Variants in PIK3R2 observed in about 807,000 individuals in gnomAD.
The protein encoded by PIK3R2 is phosphoinositide-3-kinase regulatory subunit 2, also known as phosphatidylinositol 3-kinase regulatory subunit beta.
PIK3R2 carries 40 observed loss-of-function variants against 78.5 expected under a neutral mutation model. The ratio of observed to expected loss-of-function variants is 0.51; its 90% CI spans 0.40 to 0.66. PIK3R2 has a LOEUF of 0.66. Ranked by LOEUF, PIK3R2 falls within the 30% of genes least tolerant of loss-of-function variation. The pLI is 0.00. For synonymous variants in PIK3R2, 473 were observed against 457.7 expected (o/e 1.03, Z -0.43); for missense variants, 880 against 1,026.6 (o/e 0.86, Z 1.95).
At chr19:18,158,358 G>C (rs2043700734) in intron 2 of PIK3R2, among the ~76,000 whole-genome samples, 1 of 152,092 alleles carries the variant, frequency 6.6e-6, no homozygotes, top group Non-Finnish European at 1.5e-5. Flanking sequence ...AGGCATGGTG[G>C]CACCCACCTA....
At position 18,167,264 on chromosome 19, in the gene PIK3R2, C is replaced by T. The variant is rs1131691683; in HGVS notation, c.1694C>T (p.Pro565Leu). The T allele has an allele frequency of 6.2e-7, 1 of 1,609,670 alleles. No individual in the cohort carries two copies. Among genetic ancestry groups the T allele is most frequent in the Non-Finnish European group, 8.5e-7 (1 of 1,178,112 alleles). Residue 565 changes from proline (P) to leucine (L), a missense_variant, in exon 13 of 16, where the codon CCG (proline) becomes CTG (leucine). By Grantham distance (98) the Pro-to-Leu change is moderately conservative (BLOSUM62 -3). Transcript: ENST00000222254. The surrounding 1 kb of genome is among the most constrained non-coding windows in gnomAD (Gnocchi z 4.5). ...EIDKRMNSLK[P>L]DLMQLRKIRD... ...GACAAGCGCATGAACAGCCTCAAGCCGGACCTCATGCAGCTGCGCAAGATC... is the reference window on the plus strand; with the variant it reads ...GACAAGCGCATGAACAGCCTCAAGCTGGACCTCATGCAGCTGCGCAAGATC...
intron 1 of PIK3R2, among the ~76,000 whole-genome samples, chr19:18,154,874 T>G (rs1380270937): frequency 2.0e-5 from 3 of 149,826 alleles, no homozygotes; most frequent in African/African-American, 7.4e-5. Flanking sequence ...CCCAGGAGTT[T>G]GCGACCAACC....
Position 18,168,515 on chromosome 19 carries a change from G to A in PIK3R2, c.1777G>A (p.Glu593Lys). ...QKGARQKKIN[E>K]WLGIKNETED... ...AGGCGCCCGGCAGAAGAAAATCAAC[G>A]AGTGGCTGGGGATTAAAAATGAGAC... Residue 593 changes from glutamate (E) to lysine (K), a missense_variant, in exon 14 of 16, where the codon GAG (glutamate) becomes AAG (lysine). Glu to Lys is a moderately conservative substitution (Grantham distance 56, BLOSUM62 1). Around this residue, in one of 3 missense-constraint regions of PIK3R2, gnomAD observed 268 missense variants for 299.1 expected, o/e 0.90. Coordinates refer to ENST00000222254, the MANE Select transcript of PIK3R2 (RefSeq NM_005027.4). This position sits in a 1 kb window ranked among gnomAD's most constrained non-coding sequence, Gnocchi z 4.1. 1.3e-6 allele frequency: 1 copy of A among 781,200 alleles called. No individual in the cohort carries two copies. Among genetic ancestry groups the A allele is most frequent in the Non-Finnish European group, 2.4e-6 (1 of 418,514 alleles). 48.4% of individuals were successfully genotyped at this position (781,200 alleles called of 1,614,324 possible). A position where few individuals can be genotyped will look rare whatever the true frequency, so the allele number is the denominator to read the frequency against.
Position 18,166,353 on chromosome 19 carries a change from A to C in PIK3R2, c.1559+51A>C, listed in dbSNP as rs776470055. ...CCACCCCACCCTGATCTGGTGCAGT[A>C]CAAGCCAGGGAGGGAAGGAAGCAGA... On this transcript the variant is annotated intron_variant, in intron 12 of 15. Coordinates refer to ENST00000222254, the MANE Select transcript of PIK3R2 (RefSeq NM_005027.4). 3.3e-6 allele frequency: 5 copies of C among 1,507,126 alleles called. No homozygotes were observed. In the African/African-American group the frequency reaches 6.9e-5, roughly 21 times the overall value. The allele number at this position is 1,507,126 out of a possible 1,614,324, so 93.4% of individuals were successfully genotyped here. A position where few individuals can be genotyped will look rare whatever the true frequency, so the allele number is the denominator to read the frequency against.
chr19:18,155,742 G>A lies in PIK3R2; in HGVS notation c.-138G>A, dbSNP rs1020941916. On this transcript the variant is annotated 5_prime_UTR_variant, in exon 2 of 16. Coordinates refer to ENST00000222254, the MANE Select transcript of PIK3R2 (RefSeq NM_005027.4). ...CGAGGCATGAGCGGCCCCTGTGGTC[G>A]CCTGTGACTGCTGGAGATAGAGGTC... 12 of 681,038 alleles carry A rather than the reference G, an allele frequency of 1.8e-5. No homozygotes were observed. Among genetic ancestry groups the A allele is most frequent in the East Asian group, 3.1e-5 (1 of 32,556 alleles). The allele number at this position is 681,038 out of a possible 1,614,324, so 42.2% of individuals were successfully genotyped here. A position where few individuals can be genotyped will look rare whatever the true frequency, so the allele number is the denominator to read the frequency against.
rs918520641 is a variant in PIK3R2 at position 18,156,095 on chromosome 19, C to T, written c.216C>T (p.Gly72=). The change falls in exon 2 of 16, where the codon GGC becomes GGT. Residue 72 remains glycine, a synonymous_variant. Transcript: ENST00000222254. The surrounding 1 kb of genome is among the most constrained non-coding windows in gnomAD (Gnocchi z 4.2). ...ERTRQRGDFP[G]TYVEFLGPVA... Reference sequence around the variant, plus strand: ...CACGGCAGCGAGGTGACTTCCCTGGCACCTATGTGGAGTTCCTGGGGCCCG... The same window carrying T: ...CACGGCAGCGAGGTGACTTCCCTGGTACCTATGTGGAGTTCCTGGGGCCCG... 1.3e-6 allele frequency: 2 copies of T among 1,558,266 alleles called. No individual in the cohort carries two copies. The highest frequency in any genetic ancestry group is 3.8e-5 in the Admixed American group (2 of 52,236).
At chr19:18,166,123 A>T (rs1260657275) in intron 11 of PIK3R2, 37 bp from the exon 12 acceptor site, 1 of 1,612,942 alleles carries the variant, frequency 6.2e-7, no homozygotes, top group Non-Finnish European at 8.5e-7. Context: ...CCTTTTGGGG[A>T]GTCCCAGGAG....
In PIK3R2 at chr19:18,155,722, C is replaced by A; in HGVS notation, c.-158C>A. 1 of 603,978 alleles carries A rather than the reference C, an allele frequency of 1.7e-6. No individual in the cohort carries two copies. The highest frequency in any genetic ancestry group is 2.9e-6 in the Non-Finnish European group (1 of 350,388). 37.4% of individuals were successfully genotyped at this position (603,978 alleles called of 1,614,324 possible). ...GGTCATGGAATAATTTGAAGCGAGG[C>A]ATGAGCGGCCCCTGTGGTCGCCTGT... is the stretch of plus-strand genomic sequence containing the variant. On this transcript the variant is annotated 5_prime_UTR_variant, in exon 2 of 16. Transcript: ENST00000222254.
chr19:18,161,894 C>A lies in PIK3R2; in HGVS notation c.816-72C>A. 3 of 1,280,342 alleles carry A rather than the reference C, an allele frequency of 2.3e-6. No homozygotes were observed. Among genetic ancestry groups the A allele is most frequent in the Non-Finnish European group, 3.4e-6 (3 of 878,952 alleles). The allele number at this position is 1,280,342 out of a possible 1,614,324, so 79.3% of individuals were successfully genotyped here. ...ATATACCCCCAGGCGTGCAAGCGCA[C>A]GCACAATCCTGTGCACATGCGTGGG... On this transcript the variant is annotated intron_variant, in intron 6 of 15. Coordinates refer to ENST00000222254, the MANE Select transcript of PIK3R2 (RefSeq NM_005027.4). The surrounding 1 kb of genome is among the most constrained non-coding windows in gnomAD (Gnocchi z 5.3).
chr19:18,169,021 C>T (rs917444751), intron 15 of PIK3R2, 66 bp from the exon 16 acceptor site: 7 of 1,573,056 alleles, frequency 4.4e-6, no homozygotes, highest in African/African-American at 2.7e-5. Context: ...AGCACGCGGC[C>T]CTGGAACGGG....
Position 18,161,490 on chromosome 19 carries a change from C to A in PIK3R2, c.810C>A (p.Pro270=). ...PPSSPPPGGA[P]DGSEPSPDFP... ...CCTCGCCGCCGCCAGGGGGCGCTCC[C>A]GACGGGTGAGGGGCGGGGCGGAGCC... The change falls in exon 6 of 16, where the codon CCC becomes CCA. Residue 270 remains proline, a synonymous_variant. Transcript: ENST00000222254. This position sits in a 1 kb window ranked among gnomAD's most constrained non-coding sequence, Gnocchi z 5.3. 2 of 1,108,488 alleles carry A rather than the reference C, an allele frequency of 1.8e-6. No homozygotes were observed. The highest frequency in any genetic ancestry group is 2.2e-6 in the Non-Finnish European group (2 of 895,582). 68.7% of individuals were successfully genotyped at this position (1,108,488 alleles called of 1,614,324 possible). A position where few individuals can be genotyped will look rare whatever the true frequency, so the allele number is the denominator to read the frequency against.
intron 2 of PIK3R2, among the ~76,000 whole-genome samples, chr19:18,157,880 C>T (rs1227311157): frequency 2.0e-5 from 3 of 152,282 alleles, no homozygotes; most frequent in African/African-American, 4.8e-5. Context: ...GCCAGAGCAG[C>T]GTCCAATGGT....
In PIK3R2 at chr19:18,168,704, C is replaced by G; in HGVS notation, c.1809-22C>G. 1 of 1,598,956 alleles carries G rather than the reference C, an allele frequency of 6.3e-7. No individual in the cohort carries two copies. Among genetic ancestry groups the G allele is most frequent in the South Asian group, 1.1e-5 (1 of 90,692 alleles). On this transcript the variant is annotated intron_variant, in intron 14 of 15. Transcript: ENST00000222254. The surrounding 1 kb of genome is among the most constrained non-coding windows in gnomAD (Gnocchi z 4.1). ...GGCAGGTGAGTGACCAGGGCCCTCC[C>G]CGCCACCGCCCCCCACCCCAGCCAG... is the stretch of plus-strand genomic sequence containing the variant.
rs2043745954 is a variant in PIK3R2, at chr19:18,161,493, C to T, written c.813C>T (p.Asp271=). 1.1e-6 allele frequency: 1 copy of T among 937,482 alleles called. No homozygotes were observed. The highest frequency in any genetic ancestry group is 1.3e-6 in the Non-Finnish European group (1 of 777,414). The allele number at this position is 937,482 out of a possible 1,614,324, so 58.1% of individuals were successfully genotyped here. A position where few individuals can be genotyped will look rare whatever the true frequency, so the allele number is the denominator to read the frequency against. Residue 271 remains aspartate (D), a splice_region_variant and synonymous_variant, in exon 6 of 16, where the codon GAC becomes GAT. Transcript: ENST00000222254. This position sits in a 1 kb window ranked among gnomAD's most constrained non-coding sequence, Gnocchi z 5.3. ...PSSPPPGGAP[D]GSEPSPDFPA... ...CGCCGCCGCCAGGGGGCGCTCCCGACGGGTGAGGGGCGGGGCGGAGCCGGA... is the reference window on the plus strand; with the variant it reads ...CGCCGCCGCCAGGGGGCGCTCCCGATGGGTGAGGGGCGGGGCGGAGCCGGA...
chr19:18,155,830 G>A lies in PIK3R2; in HGVS notation c.-50G>A, dbSNP rs1231892901. ...CTGCTTCAACCAATGGGGCCAGTGGGGCTCCAAGCAGCCACCTAACCATCC... is the reference window on the plus strand; with the variant it reads ...CTGCTTCAACCAATGGGGCCAGTGGAGCTCCAAGCAGCCACCTAACCATCC... On this transcript the variant is annotated 5_prime_UTR_variant, in exon 2 of 16. Coordinates refer to ENST00000222254, the MANE Select transcript of PIK3R2 (RefSeq NM_005027.4). 1 of 1,478,452 alleles carries A rather than the reference G, an allele frequency of 6.8e-7. No homozygotes were observed. The highest frequency in any genetic ancestry group is 2.6e-5 in the East Asian group (1 of 38,904). The allele number at this position is 1,478,452 out of a possible 1,614,324, so 91.6% of individuals were successfully genotyped here. A position where few individuals can be genotyped will look rare whatever the true frequency, so the allele number is the denominator to read the frequency against.
rs2147962365 is a variant in PIK3R2, at chr19:18,170,222, T to C, written c.*928T>C. On this transcript the variant is annotated 3_prime_UTR_variant, in exon 16 of 16. Coordinates refer to ENST00000222254, the MANE Select transcript of PIK3R2 (RefSeq NM_005027.4). ...GACTCCTCCGTCTCAAAAAAATAAA[T>C]AAATAAACTTGTGAGCTGGCCCCAA... The C allele has an allele frequency of 6.5e-6, 1 of 152,748 alleles. No individual in the cohort carries two copies. Among genetic ancestry groups the C allele is most frequent in the East Asian group, 1.9e-4 (1 of 5,262 alleles). The allele number at this position is 152,748 out of a possible 1,614,324, so 9.5% of individuals were successfully genotyped here. A position where few individuals can be genotyped will look rare whatever the true frequency, so the allele number is the denominator to read the frequency against.
At chr19:18,165,080 A>T (rs1272352060) in intron 11 of PIK3R2, among the ~76,000 whole-genome samples, 3 of 151,384 alleles carry the variant, frequency 2.0e-5, no homozygotes, top group Non-Finnish European at 3.0e-5. Context: ...AGATAAAAAA[A>T]TTAGCCGAGC....
Position 18,167,290 on chromosome 19 carries a change from C to A in PIK3R2, c.1720C>A (p.Arg574=), listed in dbSNP as rs1318459028. 5.0e-6 allele frequency: 8 copies of A among 1,600,410 alleles called. 1 individual carries two copies. In the South Asian group the frequency reaches 9.0e-5, roughly 18 times the overall value. ...KPDLMQLRKI[R]DQYLVWLTQK... ...GGACCTCATGCAGCTGCGCAAGATC[C>A]GAGACCAGTACCTCGTGTAAGTGGC... The change falls in exon 13 of 16, where the codon CGA becomes AGA. Residue 574 remains arginine, a synonymous_variant. Transcript: ENST00000222254. The surrounding 1 kb of genome is among the most constrained non-coding windows in gnomAD (Gnocchi z 4.5).
In PIK3R2 at chr19:18,156,009, GC is replaced by G; in HGVS notation, c.132del (p.Glu45ArgfsTer85). 5 of 1,558,160 alleles carry G rather than the reference GC, an allele frequency of 3.2e-6. No homozygotes were observed. Among genetic ancestry groups the G allele is most frequent in the Non-Finnish European group, 4.3e-6 (5 of 1,151,426 alleles). On this transcript the variant is annotated frameshift_variant, in exon 2 of 16. Transcript: ENST00000222254. LOFTEE classifies it high-confidence loss of function. This position sits in a 1 kb window ranked among gnomAD's most constrained non-coding sequence, Gnocchi z 4.2. ...GGCGGCCTTGCAGGCGCTGGGCGTG[GC>G]CGAGGGTGGCGAGCGCTGCCCACAG... ...SRAALQALGV[A>X]EGGERCPQSV... is the part of the protein sequence containing the mutation.
Sources: gnomAD v4.1 joint callset for allele counts (sites outside exome capture counted in the v4.1 genomes callset) on GRCh38, gnomAD v4.1.1 for gene constraint, gnomAD v4.1.1 regional missense constraint, Gnocchi (gnomAD v3.1) non-coding constraint, MANE v1.5 for transcripts, NCBI Gene and HGNC (gene_info 2026-07-23, HGNC 2026-07-21) for gene names.